CUX1: variants seen among roughly 807,000 people sequenced by gnomAD.
CUX1 encodes the protein cut like homeobox 1.
CUX1 carries 31 observed loss-of-function variants against 158.8 expected under a neutral mutation model. The observed-to-expected ratio is 0.20, with a 90% confidence interval of 0.15 to 0.26. The LOEUF (loss-of-function observed/expected upper bound fraction) is 0.26, where lower values mean the gene tolerates loss of function less well. CUX1 is among the 10% of genes least tolerant of loss of function. The pLI, the probability that CUX1 is intolerant of heterozygous loss-of-function variation, is 1.00. For synonymous variants in CUX1, 879 were observed against 862.1 expected (o/e 1.02, Z -0.34); for missense variants, 1,589 against 2,014.6 (o/e 0.79, Z 4.04).
At chr7:101,983,236 G>A (rs1182169025) in intron 2 of CUX1, among the ~76,000 whole-genome samples, 1 of 152,174 alleles carries the variant, frequency 6.6e-6, no homozygotes, top group African/African-American at 2.4e-5. Flanking sequence ...CTTTAATGCT[G>A]TTATATTTGG....
intron 3 of CUX1, among the ~76,000 whole-genome samples, chr7:102,036,900 C>T (rs563369977): frequency 2.0e-5 from 3 of 151,938 alleles, no homozygotes; most frequent in African/African-American, 4.8e-5. Flanking sequence ...ATAGATTAAA[C>T]GAAGTTGAGA....
At position 101,825,072 on chromosome 7, in the gene CUX1, C is replaced by T. The variant is rs187080778; in HGVS notation, c.30+7403C>T. Among the ~76,000 whole-genome samples, 706 of 152,260 alleles carry T rather than the reference C, an allele frequency of 4.6e-3. 6 individuals are homozygous for T. Among genetic ancestry groups the T allele is most frequent in the Admixed American group, 0.011 (171 of 15,284 alleles). On this transcript the variant is annotated intron_variant, in intron 1 of 23. Coordinates refer to ENST00000292535, the MANE Select transcript of CUX1 (RefSeq NM_181552.4). ...GCATACAGTTCTGCTGTGTCCTCGC[C>T]GAGAGCGTAGTCAGCAACCGCCCGG...
chr7:101,980,905 A>G (rs1456322598), intron 2 of CUX1, among the ~76,000 whole-genome samples: 2 of 152,164 alleles, frequency 1.3e-5, no homozygotes, highest in South Asian at 2.1e-4. Flanking sequence ...TTTGAGTTCA[A>G]TGTCCTGGGA....
chr7:101,864,389 T>A (rs1440518632), intron 1 of CUX1, among the ~76,000 whole-genome samples: 1 of 152,104 alleles, frequency 6.6e-6, no homozygotes, highest in Non-Finnish European at 1.5e-5. Context: ...CTTGAACTCC[T>A]GAGCTCAAGC....
At chr7:101,876,821 A>G (rs1371297812) in intron 1 of CUX1, among the ~76,000 whole-genome samples, 1 of 152,152 alleles carries the variant, frequency 6.6e-6, no homozygotes, top group Non-Finnish European at 1.5e-5. Flanking sequence ...TATTTCATCA[A>G]ATTGATCCTC....
chr7:102,116,684 T>A (rs1554491873), intron 8 of CUX1, among the ~76,000 whole-genome samples: 1 of 152,076 alleles, frequency 6.6e-6, no homozygotes, highest in Non-Finnish European at 1.5e-5. Flanking sequence ...TTAAAAAACA[T>A]GTCAGGGGCT....
rs1792039602 is a variant in CUX1, at chr7:101,817,773, CTG to C, written c.30+105_30+106del. 1 of 1,403,476 alleles carries C rather than the reference CTG, an allele frequency of 7.1e-7. No homozygotes were observed. Among genetic ancestry groups the C allele is most frequent in the Non-Finnish European group, 9.6e-7 (1 of 1,039,278 alleles). The allele number at this position is 1,403,476 out of a possible 1,614,324, so 86.9% of individuals were successfully genotyped here. A position where few individuals can be genotyped will look rare whatever the true frequency, so the allele number is the denominator to read the frequency against. ...GCGGCTTAGAATGCTCTAGGGCGGC[CTG>C]GTGCTCTGGGAGGGGATAGGAGGGT... On this transcript the variant is annotated intron_variant, in intron 1 of 23. Coordinates refer to ENST00000292535, the MANE Select transcript of CUX1 (RefSeq NM_181552.4). This position sits in a 1 kb window ranked among gnomAD's most constrained non-coding sequence, Gnocchi z 4.1.
chr7:102,104,852 A>T (rs782607634), intron 6 of CUX1, among the ~76,000 whole-genome samples: 1 of 152,180 alleles, frequency 6.6e-6, no homozygotes, highest in Non-Finnish European at 1.5e-5. Context: ...AGATCGCGCC[A>T]CTGCACTCCA....
chr7:102,092,488 G>A (rs555858848), intron 4 of CUX1, among the ~76,000 whole-genome samples: 236 of 152,308 alleles, frequency 1.5e-3, no homozygotes, highest in Non-Finnish European at 2.5e-3. Flanking sequence ...GCTCAGCAGC[G>A]CAAACGCTCC....
intron 2 of CUX1, among the ~76,000 whole-genome samples, chr7:101,970,297 C>CT (rs1811794463): frequency 6.6e-6 from 1 of 151,860 alleles, no homozygotes; most frequent in African/African-American, 2.4e-5. Context: ...CTGGCCTTGA[C>CT]TTTGAGTCCT....
intron 2 of CUX1, among the ~76,000 whole-genome samples, chr7:101,924,505 T>C (rs1805347037): frequency 1.3e-5 from 2 of 151,750 alleles, no homozygotes; most frequent in Non-Finnish European, 2.9e-5. Flanking sequence ...TGTAACCCCA[T>C]CTTGGCATTG....
At position 101,916,048 on chromosome 7, in the gene CUX1, A is replaced by C; in HGVS notation, c.31-67A>C. The C allele has an allele frequency of 8.7e-7, 1 of 1,143,236 alleles. No individual in the cohort carries two copies. The highest frequency in any genetic ancestry group is 1.3e-6 in the Non-Finnish European group (1 of 754,436). 70.8% of individuals were successfully genotyped at this position (1,143,236 alleles called of 1,614,324 possible). A position where few individuals can be genotyped will look rare whatever the true frequency, so the allele number is the denominator to read the frequency against. ...TCCCCCAGTGTTCTGGTCAAATGCA[A>C]ATAGGACCCTCCTCTAGTACACAGT... On this transcript the variant is annotated intron_variant, in intron 1 of 23. Transcript: ENST00000292535. This position sits in a 1 kb window ranked among gnomAD's most constrained non-coding sequence, Gnocchi z 4.4.
chr7:101,916,958 G>A lies in CUX1; in HGVS notation c.141+733G>A, dbSNP rs1244120184. ...GTGTTGCAGGCAGATGAGCAGTCGC[G>A]GGAATGGCTTTCCGGGTGACATCTG... On this transcript the variant is annotated intron_variant, in intron 2 of 23. Transcript: ENST00000292535. The surrounding 1 kb of genome is among the most constrained non-coding windows in gnomAD (Gnocchi z 4.4). 2.6e-5 allele frequency among the ~76,000 whole-genome samples: 4 copies of A among 151,502 alleles called. No individual in the cohort carries two copies. The highest frequency in any genetic ancestry group is 4.2e-4 in the South Asian group (2 of 4,816).
chr7:102,143,389 C>T (rs920523869), intron 8 of CUX1, among the ~76,000 whole-genome samples: 4 of 152,170 alleles, frequency 2.6e-5, no homozygotes, highest in Admixed American at 1.3e-4. Flanking sequence ...CCACATCAGT[C>T]TCCAAAGTAG....
At chr7:101,989,007 T>A (rs1378112022) in intron 2 of CUX1, among the ~76,000 whole-genome samples, 36 of 141,234 alleles carry the variant, frequency 2.5e-4, no homozygotes, top group Non-Finnish European at 1.1e-4. Context: ...AAAAAAATAA[T>A]AATAATAATA....
rs939086575 is a variant in CUX1, at chr7:102,060,150, C to T, written c.190-10189C>T. 2.0e-5 allele frequency among the ~76,000 whole-genome samples: 3 copies of T among 151,828 alleles called. No individual in the cohort carries two copies. The East Asian group carries it at 5.8e-4, about 29-fold the overall frequency. On this transcript the variant is annotated intron_variant, in intron 3 of 23. Coordinates refer to ENST00000292535, the MANE Select transcript of CUX1 (RefSeq NM_181552.4). ...AAAAGTAGCTGGGCGTGGTAGTGGG[C>T]GCCTGTAGTCCTAGCTACTTGGGAG...
chr7:101,880,077 T>G (rs1584863382), intron 1 of CUX1, among the ~76,000 whole-genome samples: 1 of 4,888 alleles, frequency 2.0e-4, no homozygotes, highest in African/African-American at 6.5e-4. Flanking sequence ...AAAAGGCTGA[T>G]TTTTTTTTAA....
intron 20 of CUX1, among the ~76,000 whole-genome samples, chr7:102,210,986 G>A (rs776557474): frequency 8.5e-5 from 13 of 152,194 alleles, no homozygotes; most frequent in Admixed American, 2.6e-4. Context: ...TCCAGGGCTC[G>A]TGAGCTTTGA....
At chr7:102,010,296 G>A (rs1817845559) in intron 2 of CUX1, among the ~76,000 whole-genome samples, 1 of 150,408 alleles carries the variant, frequency 6.6e-6, no homozygotes, top group African/African-American at 2.4e-5. Flanking sequence ...TCAGGAGGCT[G>A]AAGCAGGAGA....
Sources: gnomAD v4.1 joint callset for allele counts (sites outside exome capture counted in the v4.1 genomes callset) on GRCh38, gnomAD v4.1.1 for gene constraint, Gnocchi (gnomAD v3.1) non-coding constraint, MANE v1.5 for transcripts, NCBI Gene and HGNC (gene_info 2026-07-23, HGNC 2026-07-21) for gene names.